ADAMTSL2: variants seen among roughly 807,000 people sequenced by gnomAD.
ADAMTSL2 encodes ADAMTS like 2, also known as ADAMTS-like protein 2.
Under a neutral mutation model 117.0 loss-of-function variants are expected in ADAMTSL2, and 55 were observed. The observed-to-expected ratio is 0.47, with a 90% CI of 0.38 to 0.59. The LOEUF (loss-of-function observed/expected upper bound fraction) is 0.59. Ranked by LOEUF, ADAMTSL2 falls within the 20% of genes least tolerant of loss-of-function variation. ADAMTSL2 has a pLI of 0.00. For synonymous variants in ADAMTSL2, 572 were observed against 566.4 expected (o/e 1.01, Z -0.14); for missense variants, 1,182 against 1,354.5 (o/e 0.87, Z 2.00).
In ADAMTSL2 at chr9:133,549,303, CCA is replaced by C. The variant is rs1294759776; in HGVS notation, c.939+2093_939+2094del. On this transcript the variant is annotated intron_variant, in intron 9 of 18. Transcript: ENST00000651351. ...ACAGGCGTGAGCCACCGCGCCCGGC[CCA>C]CAGTTTCCTTCTTCTGCGACGCCCT... 3.3e-4 allele frequency among the ~76,000 whole-genome samples: 2 copies of C among 6,054 alleles called. 1 individual carries two copies. Among genetic ancestry groups the C allele is most frequent in the East Asian group, 1.5e-3 (2 of 1,310 alleles). 4.0% of individuals were successfully genotyped at this position (6,054 alleles called of 152,430 possible). A position where few individuals can be genotyped will look rare whatever the true frequency, so the allele number is the denominator to read the frequency against.
At chr9:133,537,225 C>A (rs950141917) in intron 2 of ADAMTSL2, among the ~76,000 whole-genome samples, 180 bp from the exon 3 acceptor site, 1 of 152,178 alleles carries the variant, frequency 6.6e-6, no homozygotes, top group East Asian at 1.9e-4. Context: ...CTTGGGAGTT[C>A]CCCCCAGCGC....
At chr9:133,532,839 A>G (rs1213799761), upstream of ADAMTSL2, among the ~76,000 whole-genome samples, 7 of 152,130 alleles carry the variant, frequency 4.6e-5, no homozygotes, top group African/African-American at 1.7e-4. Context: ...AGGGTCACAC[A>G]CCTGCAGGAG....
At position 133,568,573 on chromosome 9, in the gene ADAMTSL2, C is replaced by A. The variant is rs1470431477; in HGVS notation, c.2089-30C>A. ...GGAGGTGGCTACACCTGTGTCACACCCCCCCTGCCCCCTCCCCCTGCCGCC... is the reference window on the plus strand; with the variant it reads ...GGAGGTGGCTACACCTGTGTCACACACCCCCTGCCCCCTCCCCCTGCCGCC... On this transcript the variant is annotated intron_variant, in intron 14 of 18. Coordinates refer to ENST00000651351, the MANE Select transcript of ADAMTSL2 (RefSeq NM_014694.4). The A allele has an allele frequency of 8.1e-5, 126 of 1,553,428 alleles. 1 individual carries two copies. In the Admixed American group the frequency reaches 2.0e-3, roughly 25 times the overall value.
intron 1 of ADAMTSL2, among the ~76,000 whole-genome samples, chr9:133,535,857 TG>T (rs1432112810): frequency 6.6e-6 from 1 of 151,054 alleles, no homozygotes; most frequent in African/African-American, 2.4e-5. Flanking sequence ...GAGGAGGGGG[TG>T]GGGAGAGCTG....
In ADAMTSL2 at chr9:133,554,187, C is replaced by G. The variant is rs947688035; in HGVS notation, c.940-170C>G. Among the ~76,000 whole-genome samples, 3 of 152,238 alleles carry G rather than the reference C, an allele frequency of 2.0e-5. No homozygotes were observed. Among genetic ancestry groups the G allele is most frequent in the African/African-American group, 4.8e-5 (2 of 41,464 alleles). ...TCCCAGGCTCTTTGACTTGGATGCCCCTGGGGCAGGAGCACTGCGTTGGGC... is the reference window on the plus strand; with the variant it reads ...TCCCAGGCTCTTTGACTTGGATGCCGCTGGGGCAGGAGCACTGCGTTGGGC... On this transcript the variant is annotated intron_variant, in intron 9 of 18. Transcript: ENST00000651351. This position sits in a 1 kb window ranked among gnomAD's most constrained non-coding sequence, Gnocchi z 5.2.
chr9:133,544,702 C>A lies in ADAMTSL2; in HGVS notation c.763+152C>A. On this transcript the variant is annotated intron_variant, in intron 8 of 18. Coordinates refer to ENST00000651351, the MANE Select transcript of ADAMTSL2 (RefSeq NM_014694.4). ...ATGGCTGCAGGAGCCAGAACTTGAG[C>A]CAGCTGTGTGGGTGTGGCTGGGGTG... 5.2e-6 allele frequency: 4 copies of A among 764,836 alleles called. No individual in the cohort carries two copies. The East Asian group carries it at 1.1e-4, about 21-fold the overall frequency. 47.4% of individuals were successfully genotyped at this position (764,836 alleles called of 1,614,324 possible).
chr9:133,539,736 T>G lies in ADAMTSL2; in HGVS notation c.310-35T>G, dbSNP rs1466693070. On this transcript the variant is annotated intron_variant, in intron 4 of 18. Transcript: ENST00000651351. ...CAAAAATGCCTTTGTCGGGCCGAGT[T>G]CCTCCCGGAGCCTCCCTGTCCCTTC... The G allele has an allele frequency of 1.2e-5, 14 of 1,191,366 alleles. No individual in the cohort carries two copies. The Admixed American group carries it at 3.7e-4, about 31-fold the overall frequency. The allele number at this position is 1,191,366 out of a possible 1,614,324, so 73.8% of individuals were successfully genotyped here. A position where few individuals can be genotyped will look rare whatever the true frequency, so the allele number is the denominator to read the frequency against.
chr9:133,533,588 T>C (rs74390485), upstream of ADAMTSL2, among the ~76,000 whole-genome samples: 1,428 of 152,304 alleles, frequency 9.4e-3, 24 homozygotes, highest in African/African-American at 0.033. Context: ...GACGGTATTA[T>C]CGCTTTCACT....
At chr9:133,564,331 A>G (rs1466943945) in intron 12 of ADAMTSL2, among the ~76,000 whole-genome samples, 2 of 50,876 alleles carry the variant, frequency 3.9e-5, no homozygotes, top group Non-Finnish European at 3.8e-5. Context: ...AGGGAGAGAG[A>G]GAAAGAGAGA....
At position 133,555,863 on chromosome 9, in the gene ADAMTSL2, G is replaced by A. The variant is rs961558552; in HGVS notation, c.1582G>A (p.Glu528Lys). Residue 528 changes from glutamate to lysine, a missense_variant, in exon 11 of 19, where the codon GAG becomes AAG. Transcript: ENST00000651351. ...CGACAGGGTTGCCAACAGCTCCTCC[G>A]AGGCCCCATTCCCCAACGTTAGCAC... ...SSDRVANSSS[E>K]APFPNVSTSL... The A allele has an allele frequency of 2.3e-5, 37 of 1,613,240 alleles. No individual in the cohort carries two copies. Among genetic ancestry groups the A allele is most frequent in the African/African-American group, 2.3e-4 (17 of 75,050 alleles).
At chr9:133,541,434 A>C (rs1053671547) in intron 7 of ADAMTSL2, among the ~76,000 whole-genome samples, 2 of 152,010 alleles carry the variant, frequency 1.3e-5, no homozygotes, top group Non-Finnish European at 2.9e-5. Flanking sequence ...GACTACAGGC[A>C]TGTGCCACCA....
At chr9:133,543,656 C>T (rs1312838857) in intron 7 of ADAMTSL2, among the ~76,000 whole-genome samples, 2 of 152,262 alleles carry the variant, frequency 1.3e-5, no homozygotes, top group African/African-American at 4.8e-5. Context: ...CAGGGAGATG[C>T]ACGCGGAATC....
At chr9:133,539,501 G>A (rs1175961959) in intron 4 of ADAMTSL2, among the ~76,000 whole-genome samples, 1 of 152,202 alleles carries the variant, frequency 6.6e-6, no homozygotes, top group Non-Finnish European at 1.5e-5. Flanking sequence ...GCTGGGAGAA[G>A]GCGTGGTGGG....
At chr9:133,535,522 TG>T (rs1186229898) in intron 1 of ADAMTSL2, among the ~76,000 whole-genome samples, 5 of 152,092 alleles carry the variant, frequency 3.3e-5, no homozygotes, top group Non-Finnish European at 7.4e-5. Context: ...CTCTTCAAGT[TG>T]GATGGAGGCT....
In ADAMTSL2 at chr9:133,557,943, C is replaced by T. The variant is rs1564505347; in HGVS notation, c.1649+2013C>T. ...CTGTCTTCCTCTGGGCCTCAGTTTC[C>T]CCATCTCTCACTGGGGGGCTTGTCA... On this transcript the variant is annotated intron_variant, in intron 11 of 18. Transcript: ENST00000651351. This position sits in a 1 kb window ranked among gnomAD's most constrained non-coding sequence, Gnocchi z 5.2. Among the ~76,000 whole-genome samples the T allele has an allele frequency of 6.6e-6, 1 of 151,576 alleles. No individual in the cohort carries two copies. Among genetic ancestry groups the T allele is most frequent in the Admixed American group, 6.6e-5 (1 of 15,246 alleles).
intron 7 of ADAMTSL2, among the ~76,000 whole-genome samples, chr9:133,543,229 T>C (rs976590664): frequency 1.3e-5 from 2 of 152,176 alleles, no homozygotes; most frequent in African/African-American, 4.8e-5. Flanking sequence ...TATAACTATT[T>C]TATCTGTGTG....
chr9:133,563,588 G>A (rs1830800027), intron 12 of ADAMTSL2, among the ~76,000 whole-genome samples: 3 of 152,124 alleles, frequency 2.0e-5, no homozygotes, highest in Admixed American at 6.5e-5. Context: ...GCCCTGCGTG[G>A]AAGATGTCCC....
chr9:133,534,541 A>C (rs1056523209), upstream of ADAMTSL2: 13 of 797,106 alleles, frequency 1.6e-5, no homozygotes, highest in African/African-American at 1.8e-4. Flanking sequence ...GGCAGCAGCC[A>C]ACAGGCAGCT....
chr9:133,538,614 A>C (rs1830113396), intron 4 of ADAMTSL2, among the ~76,000 whole-genome samples, 190 bp downstream of exon 4: 1 of 152,180 alleles, frequency 6.6e-6, no homozygotes, highest in Non-Finnish European at 1.5e-5. Flanking sequence ...TCCACTGTCC[A>C]GACCACTGTC....
Sources: gnomAD v4.1 joint callset for allele counts (sites outside exome capture counted in the v4.1 genomes callset) on GRCh38, gnomAD v4.1.1 for gene constraint, Gnocchi (gnomAD v3.1) non-coding constraint, MANE v1.5 for transcripts, NCBI Gene and HGNC (gene_info 2026-07-23, HGNC 2026-07-21) for gene names.